The following IGFL4 variants were observed in gnomAD, a reference collection of about 807,000 sequenced individuals.
IGFL4 encodes insulin growth factor-like family member 4.
In IGFL4, 12 loss-of-function variants were observed where a neutral mutation model predicts 15.4. The observed-to-expected ratio is 0.78, with a 90% CI of 0.50 to 1.26. The LOEUF is 1.26. Ranked by LOEUF, IGFL4 falls within the 50% of genes most tolerant of loss-of-function variation. IGFL4 has a pLI of 0.00. For missense variants in IGFL4, 126 were observed against 147.8 expected (o/e 0.85, Z 0.76); for synonymous variants, 54 against 55.9 (o/e 0.97, Z 0.16).
chr19:46,046,606 A>C (rs1969299423), intron 2 of IGFL4, among the ~76,000 whole-genome samples: 2 of 152,220 alleles, frequency 1.3e-5, no homozygotes, highest in Non-Finnish European at 2.9e-5. Flanking sequence ...ATGGGTTGCA[A>C]CCCTAGTTTC....
At chr19:46,049,987 G>A (rs998337229) in intron 2 of IGFL4, among the ~76,000 whole-genome samples, 16 of 152,154 alleles carry the variant, frequency 1.1e-4, no homozygotes, top group African/African-American at 3.9e-4. Context: ...ATCACATCAT[G>A]GGACTCTTCG....
intron 3 of IGFL4, 46 bp from the exon 4 acceptor site, chr19:46,039,982 T>TCCTG: frequency 6.6e-7 from 1 of 1,509,374 alleles, no homozygotes; most frequent in Non-Finnish European, 9.2e-7. Context: ...GGGAGGGTGG[T>TCCTG]AGCAGCAGTG....
intron 2 of IGFL4, among the ~76,000 whole-genome samples, chr19:46,054,651 TC>T (rs2146518523): frequency 6.6e-6 from 1 of 152,284 alleles, no homozygotes; most frequent in South Asian, 2.1e-4. Context: ...CCATTTTTTT[TC>T]ATATGATGCC....
In IGFL4 at chr19:46,040,469, C is replaced by T. The variant is rs567074266; in HGVS notation, c.70+49G>A. 14 of 1,613,838 alleles carry T rather than the reference C, an allele frequency of 8.7e-6. No homozygotes were observed. In the Admixed American group the frequency reaches 2.2e-4, roughly 25 times the overall value. Reference sequence around the variant, plus strand: ...CAAGGACCAGCCTAGGACCACCTCCCCACCAACCTTAATGCTGTTCTCTCC... The same window carrying T: ...CAAGGACCAGCCTAGGACCACCTCCTCACCAACCTTAATGCTGTTCTCTCC... On this transcript the variant is annotated intron_variant, in intron 2 of 3. Coordinates refer to ENST00000377697, the MANE Select transcript of IGFL4 (RefSeq NM_001002923.3). This position sits in a 1 kb window ranked among gnomAD's most constrained non-coding sequence, Gnocchi z 4.1.
intron 2 of IGFL4, among the ~76,000 whole-genome samples, chr19:46,057,197 ACTT>A (rs1025812362): frequency 1.4e-4 from 21 of 152,102 alleles, no homozygotes; most frequent in Non-Finnish European, 2.8e-4. Context: ...AATAAGAAAT[ACTT>A]CTTCTACTAT....
At chr19:46,041,055 C>T, upstream of IGFL4, 1 of 1,183,596 alleles carries the variant, frequency 8.4e-7, no homozygotes, top group Non-Finnish European at 1.2e-6. Flanking sequence ...AACTTACCGC[C>T]ATTTAGGGAG....
chr19:46,040,690 G>T lies in IGFL4; in HGVS notation c.20-122C>A. The T allele has an allele frequency of 8.5e-7, 1 of 1,176,172 alleles. No homozygotes were observed. The highest frequency in any genetic ancestry group is 1.2e-6 in the Non-Finnish European group (1 of 803,034). The allele number at this position is 1,176,172 out of a possible 1,614,324, so 72.9% of individuals were successfully genotyped here. A position where few individuals can be genotyped will look rare whatever the true frequency, so the allele number is the denominator to read the frequency against. ...ACAGCTCAGAGTGGATTTTGGGACT[G>T]GCTGTGGGTGCAGGTCCTGGGGACT... On this transcript the variant is annotated intron_variant, in intron 1 of 3. Transcript: ENST00000377697. This position sits in a 1 kb window ranked among gnomAD's most constrained non-coding sequence, Gnocchi z 4.1.
At chr19:46,076,650 ATATAT>A (rs1445387132) in intron 1 of IGFL4, among the ~76,000 whole-genome samples, 3 of 148,902 alleles carry the variant, frequency 2.0e-5, no homozygotes, top group Non-Finnish European at 3.0e-5. Flanking sequence ...GTAAATATAA[ATATAT>A]TATTTAGTTT....
chr19:46,058,826 G>T (rs539237143), intron 2 of IGFL4: 1 of 152,348 alleles, frequency 6.6e-6, no homozygotes, highest in Non-Finnish European at 1.5e-5. Flanking sequence ...CAACTGGGAT[G>T]CAGGATATCA....
intron 1 of IGFL4, among the ~76,000 whole-genome samples, chr19:46,063,337 A>G (rs1467806527): frequency 5.6e-5 from 1 of 17,764 alleles, no homozygotes; most frequent in Non-Finnish European, 1.3e-4. Context: ...ACACGCATGC[A>G]CACACACACA....
rs1015567492 is a variant in IGFL4 at position 46,051,986 on chromosome 19, C to A, written c.-323+8199G>T. On this transcript the variant is annotated intron_variant, in intron 2 of 5. Transcript: ENST00000601672. Reference sequence around the variant, plus strand: ...CACTGGAGCTCCCAAATTTATAAAACAATTAGTACTAGATGTAAATACTGA... The same window carrying A: ...CACTGGAGCTCCCAAATTTATAAAAAAATTAGTACTAGATGTAAATACTGA... Among the ~76,000 whole-genome samples, 4 of 152,060 alleles carry A rather than the reference C, an allele frequency of 2.6e-5. 1 individual carries two copies. Among genetic ancestry groups the A allele is most frequent in the African/African-American group, 9.7e-5 (4 of 41,406 alleles).
rs147046922 is a variant in IGFL4, at chr19:46,040,320, A to C, written c.167T>G (p.Leu56Trp). The change falls in exon 3 of 4, where the codon TTG (leucine) becomes TGG (tryptophan). Residue 56 changes from leucine to tryptophan, a missense_variant. Coordinates refer to ENST00000377697, the MANE Select transcript of IGFL4 (RefSeq NM_001002923.3). This position sits in a 1 kb window ranked among gnomAD's most constrained non-coding sequence, Gnocchi z 4.1. ...GGAGCCGCAGAGCCGGGTCTGGTTCAAGTCTAGGATGACACCGTCATCACA... is the reference window on the plus strand; with the variant it reads ...GGAGCCGCAGAGCCGGGTCTGGTTCCAGTCTAGGATGACACCGTCATCACA... ...QCCDDGVILDLNQTRLCGSSC... is the reference protein window; with the variant it reads ...QCCDDGVILDWNQTRLCGSSC... 47 of 1,614,058 alleles carry C rather than the reference A, an allele frequency of 2.9e-5. 1 individual carries two copies. In the African/African-American group the frequency reaches 4.1e-4, roughly 14 times the overall value.
At chr19:46,055,191 C>A (rs569278233) in intron 2 of IGFL4, among the ~76,000 whole-genome samples, 2 of 152,180 alleles carry the variant, frequency 1.3e-5, no homozygotes, top group Non-Finnish European at 2.9e-5. Flanking sequence ...AAGTAACATG[C>A]CTTCCTGGGA....
chr19:46,044,634 G>A (rs1030434675), upstream of IGFL4, among the ~76,000 whole-genome samples: 2 of 152,148 alleles, frequency 1.3e-5, no homozygotes, highest in African/African-American at 2.4e-5. Flanking sequence ...CATCTGCCTT[G>A]CCAGATTGTA....
At chr19:46,042,264 A>G (rs571780561), upstream of IGFL4, among the ~76,000 whole-genome samples, 4 of 152,310 alleles carry the variant, frequency 2.6e-5, no homozygotes, top group Admixed American at 2.6e-4. Context: ...CTGCTTATCA[A>G]TATGCCTTCT....
At chr19:46,043,041 A>G (rs1175231611), upstream of IGFL4, among the ~76,000 whole-genome samples, 1 of 152,196 alleles carries the variant, frequency 6.6e-6, no homozygotes, top group Non-Finnish European at 1.5e-5. Flanking sequence ...GGGCAGAGCC[A>G]TTACCGTAAA....
At chr19:46,051,371 C>T (rs1269157299) in intron 2 of IGFL4, among the ~76,000 whole-genome samples, 3 of 152,060 alleles carry the variant, frequency 2.0e-5, no homozygotes, top group Admixed American at 2.0e-4. Context: ...ATGGTGAAAC[C>T]CTGTCTCTAC....
intron 2 of IGFL4, among the ~76,000 whole-genome samples, chr19:46,046,979 C>G (rs1408065777): frequency 6.6e-6 from 1 of 152,232 alleles, no homozygotes; most frequent in African/African-American, 2.4e-5. Flanking sequence ...GGCACTCACT[C>G]TAAAATTGAT....
At position 46,053,466 on chromosome 19, in the gene IGFL4, T is replaced by G. The variant is rs544798261; in HGVS notation, c.-323+6719A>C. Among the ~76,000 whole-genome samples the G allele has an allele frequency of 5.9e-5, 9 of 152,338 alleles. No individual in the cohort carries two copies. In the East Asian group the frequency reaches 1.5e-3, roughly 26 times the overall value. On this transcript the variant is annotated intron_variant, in intron 2 of 5. Transcript: ENST00000601672. The stretch of plus-strand genomic sequence containing the variant: ...CTGGCCTCGAGTGATCCCACCTACC[T>G]CAGCCCCACAAAGTGCTGGGATTAT...
Sources: gnomAD v4.1 joint callset for allele counts (sites outside exome capture counted in the v4.1 genomes callset) on GRCh38, gnomAD v4.1.1 for gene constraint, Gnocchi (gnomAD v3.1) non-coding constraint, MANE v1.5 for transcripts, NCBI Gene and HGNC (gene_info 2026-07-23, HGNC 2026-07-21) for gene names.